The following PZP variants were observed in gnomAD, a reference collection of about 807,000 sequenced individuals.
PZP encodes the protein pregnancy zone protein.
In PZP, 150 loss-of-function variants were observed where a neutral mutation model predicts 179.8. The observed-to-expected ratio is 0.83, with a 90% CI of 0.73 to 0.96. PZP has a LOEUF of 0.96. Ranked by LOEUF, PZP falls within the 40% of genes least tolerant of loss-of-function variation. PZP has a pLI of 0.00. For synonymous variants in PZP, 624 were observed against 652.3 expected (o/e 0.96, Z 0.66); for missense variants, 1,689 against 1,764.0 (o/e 0.96, Z 0.76).
intron 13 of PZP, among the ~76,000 whole-genome samples, chr12:9,190,849 C>A (rs1028054497): frequency 5.9e-5 from 9 of 152,010 alleles, no homozygotes; most frequent in African/African-American, 2.2e-4. Context: ...TGAGGAAGCT[C>A]AACTTGGACA....
chr12:9,201,116 C>A (rs1944130682), intron 5 of PZP, 56 bp from the exon 6 acceptor site: 2 of 1,586,974 alleles, frequency 1.3e-6, no homozygotes, highest in South Asian at 2.3e-5. Flanking sequence ...AGTCCTTGAG[C>A]AACTCAAATG....
rs1785773329 is a variant in PZP at position 9,181,080 on chromosome 12, A to C, written c.1742T>G (p.Leu581Arg). 1 of 1,614,072 alleles carries C rather than the reference A, an allele frequency of 6.2e-7. No individual in the cohort carries two copies. ...GGACTGCGGAGCAGCTGCTACTTGC[A>C]GGTGGGCATGTGAGGCTGGGGGACT... ...AQSPPASHAH[L>R]QVAAAPQSLC... is the part of the protein sequence containing the mutation. The change falls in exon 15 of 36, where the codon CTG (leucine) becomes CGG (arginine). Residue 581 changes from leucine (L) to arginine (R), a missense_variant. By Grantham distance (102) the Leu-to-Arg change is moderately radical. Around this residue, in one of 3 missense-constraint regions of PZP, gnomAD observed 742 missense variants for 730.5 expected, o/e 1.02. Transcript: ENST00000261336.
downstream of PZP, among the ~76,000 whole-genome samples, chr12:9,146,566 C>A (rs1313552821): frequency 6.6e-6 from 1 of 152,068 alleles, no homozygotes; most frequent in Non-Finnish European, 1.5e-5. Flanking sequence ...TCTTCATTTT[C>A]TTTGACTCTC....
chr12:9,171,613 G>A (rs1565640295), intron 15 of PZP, among the ~76,000 whole-genome samples: 1 of 152,132 alleles, frequency 6.6e-6, no homozygotes, highest in Non-Finnish European at 1.5e-5. Context: ...ACAGGAGCTG[G>A]TAGCCAGAAT....
chr12:9,145,058 T>G, downstream of PZP, among the ~76,000 whole-genome samples: 1 of 152,242 alleles, frequency 6.6e-6, no homozygotes, highest in East Asian at 1.9e-4. Flanking sequence ...AGCCTATGTG[T>G]GTTCTTAAAT....
At chr12:9,140,795 C>CA in the PZP span, among the ~76,000 whole-genome samples, 109 of 152,278 alleles carry the variant, frequency 7.2e-4, no homozygotes, top group African/African-American at 2.6e-3. Context: ...AAACCCTGTA[C>CA]AGGGACTGTG....
intron 33 of PZP, 28 bp from the exon 34 acceptor site, chr12:9,150,774 A>C: frequency 7.3e-7 from 1 of 1,375,402 alleles, no homozygotes; most frequent in Non-Finnish European, 1.0e-6. Flanking sequence ...AGTAATCAAG[A>C]ACCTAGAAAA....
At chr12:9,165,862 A>C (rs1341513132) in intron 18 of PZP, among the ~76,000 whole-genome samples, 190 bp downstream of exon 18, 2 of 152,220 alleles carry the variant, frequency 1.3e-5, no homozygotes, top group East Asian at 3.8e-4. Context: ...ATTATTTTAG[A>C]ATTGCTCAGC....
At chr12:9,183,478 C>T (rs1942907334) in intron 13 of PZP, among the ~76,000 whole-genome samples, 1 of 152,146 alleles carries the variant, frequency 6.6e-6, no homozygotes. Context: ...TAGCTCACTG[C>T]AGCCTCGAAT....
intron 13 of PZP, among the ~76,000 whole-genome samples, chr12:9,185,895 C>T (rs1228193558): frequency 6.6e-6 from 1 of 150,886 alleles, no homozygotes; most frequent in Non-Finnish European, 1.5e-5. Flanking sequence ...GCAACCCCCA[C>T]CTCCCAGGTT....
In PZP at chr12:9,160,335, C is replaced by T; in HGVS notation, c.3028G>A (p.Ala1010Thr). 1 of 1,613,526 alleles carries T rather than the reference C, an allele frequency of 6.2e-7. No individual in the cohort carries two copies. Among genetic ancestry groups the T allele is most frequent in the Non-Finnish European group, 8.5e-7 (1 of 1,179,854 alleles). The change falls in exon 24 of 36, where the codon GCC becomes ACC. Residue 1010 changes from alanine (A) to threonine (T), a missense_variant. Ala to Thr is a moderately conservative substitution (Grantham distance 58, BLOSUM62 0). This residue lies in a region of PZP where 746 missense variants were observed against 749.2 expected (regional missense o/e 1.00). Coordinates refer to ENST00000261336, the MANE Select transcript of PZP (RefSeq NM_002864.3). ...TTACCAGTGATGAGATAGCCAACGG[C>T]CTTGGCCTTGATCTCCTGCGTCAGC... ...QQLTQEIKAKAVGYLITGYQR... is the reference protein window; with the variant it reads ...QQLTQEIKAKTVGYLITGYQR...
chr12:9,193,356 A>G (rs1943563645), intron 11 of PZP, among the ~76,000 whole-genome samples: 1 of 152,032 alleles, frequency 6.6e-6, no homozygotes, highest in Non-Finnish European at 1.5e-5. Context: ...GGACTCTTCT[A>G]TTTGGTCTCA....
chr12:9,190,639 C>G (rs1159293700), intron 13 of PZP, among the ~76,000 whole-genome samples: 1 of 152,024 alleles, frequency 6.6e-6, no homozygotes, highest in African/African-American at 2.4e-5. Flanking sequence ...ACAACAAACC[C>G]CATGACACGA....
intron 15 of PZP, among the ~76,000 whole-genome samples, chr12:9,173,897 G>T (rs1414662385): frequency 6.6e-6 from 1 of 152,122 alleles, no homozygotes; most frequent in Non-Finnish European, 1.5e-5. Flanking sequence ...TCTACCATAG[G>T]TACAAAGAAG....
At position 9,162,619 on chromosome 12, in the gene PZP, G is replaced by A. The variant is rs1941286284; in HGVS notation, c.2766C>T (p.Phe922=). ...EAEGIEQEKT[F]SSMTCASGAN... is the part of the protein sequence containing the mutation. Reference sequence around the variant, plus strand: ...TACCTGAGGCACAGGTCATAGAACTGAAAGTCTTTTCTTGCTCAATACCTT... The same window carrying A: ...TACCTGAGGCACAGGTCATAGAACTAAAAGTCTTTTCTTGCTCAATACCTT... The change falls in exon 22 of 36, where the codon TTC becomes TTT. Residue 922 remains phenylalanine, a synonymous_variant. Transcript: ENST00000261336. The A allele has an allele frequency of 1.9e-6, 3 of 1,596,296 alleles. No homozygotes were observed. The highest frequency in any genetic ancestry group is 1.3e-5 in the African/African-American group (1 of 74,516).
intron 7 of PZP, among the ~76,000 whole-genome samples, chr12:9,197,841 T>C (rs1235546211): frequency 8.7e-6 from 1 of 114,306 alleles, no homozygotes; most frequent in East Asian, 2.2e-4. Context: ...ATACAATATA[T>C]AATATATAAT....
intron 9 of PZP, 40 bp from the exon 10 acceptor site, chr12:9,196,479 T>C: frequency 6.3e-7 from 1 of 1,576,016 alleles, no homozygotes; most frequent in Non-Finnish European, 8.7e-7. Flanking sequence ...GAAGTTACTT[T>C]AGTCATAAAA....
chr12:9,191,297 G>A (rs750633740), intron 13 of PZP, among the ~76,000 whole-genome samples: 20 of 152,114 alleles, frequency 1.3e-4, no homozygotes, highest in African/African-American at 4.6e-4. Flanking sequence ...AAAAATTGAA[G>A]AACAATGTAC....
chr12:9,153,503 T>A (rs1940522207), intron 29 of PZP, among the ~76,000 whole-genome samples, 160 bp from the exon 30 acceptor site: 1 of 152,256 alleles, frequency 6.6e-6, no homozygotes, highest in African/African-American at 2.4e-5. Flanking sequence ...TTTCAGACAT[T>A]ATCAAAATCA....
Sources: gnomAD v4.1 joint callset for allele counts (sites outside exome capture counted in the v4.1 genomes callset) on GRCh38, gnomAD v4.1.1 for gene constraint, gnomAD v4.1.1 regional missense constraint, MANE v1.5 for transcripts, NCBI Gene and HGNC (gene_info 2026-07-23, HGNC 2026-07-21) for gene names.